VRK2: variants seen among roughly 807,000 people sequenced by gnomAD.
VRK2 encodes VRK serine/threonine kinase 2.
A neutral mutation model predicts 57.6 loss-of-function variants in VRK2; 60 were observed. The ratio of observed to expected loss-of-function variants is 1.04; its 90% CI spans 0.85 to 1.29. The LOEUF (loss-of-function observed/expected upper bound fraction) is 1.29, where lower values mean the gene tolerates loss of function less well. Ranked by LOEUF, VRK2 falls within the 50% of genes most tolerant of loss-of-function variation. The pLI is 0.00. For synonymous variants in VRK2, 231 were observed against 199.2 expected (o/e 1.16, Z -1.35); for missense variants, 705 against 588.1 (o/e 1.20, Z -2.06).
intron 1 of VRK2, among the ~76,000 whole-genome samples, chr2:57,947,815 C>G (rs1448496464): frequency 6.6e-6 from 1 of 152,164 alleles, no homozygotes; most frequent in Non-Finnish European, 1.5e-5. Context: ...CTATATTATT[C>G]AAATGAGATG....
intron 3 of VRK2, among the ~76,000 whole-genome samples, chr2:58,038,474 A>G (rs117361182): frequency 6.6e-6 from 1 of 152,278 alleles, no homozygotes; most frequent in East Asian, 1.9e-4. Context: ...ACAGTGGTGT[A>G]TAAATTTTCC....
At chr2:58,145,214 G>C (rs115452371) in intron 11 of VRK2, among the ~76,000 whole-genome samples, 1 of 151,970 alleles carries the variant, frequency 6.6e-6, no homozygotes, top group African/African-American at 2.4e-5. Flanking sequence ...CAAGGTTATT[G>C]ACAGTCAGGC....
intron 7 of VRK2, among the ~76,000 whole-genome samples, chr2:58,105,495 A>G (rs930227920): frequency 2.6e-5 from 4 of 151,922 alleles, no homozygotes; most frequent in African/African-American, 7.2e-5. Context: ...ACCAACTGAG[A>G]TATCATCTTA....
intron 1 of VRK2, among the ~76,000 whole-genome samples, chr2:57,909,994 CAT>C (rs1372796206): frequency 1.3e-5 from 2 of 151,884 alleles, no homozygotes; most frequent in Admixed American, 6.6e-5. Context: ...GTTTCATCCA[CAT>C]AGTCAATTTA....
At chr2:57,913,136 G>A (rs988754470) in intron 1 of VRK2, among the ~76,000 whole-genome samples, 2 of 152,176 alleles carry the variant, frequency 1.3e-5, no homozygotes, top group Non-Finnish European at 2.9e-5. Flanking sequence ...AGCCTGAACA[G>A]ACTGAAACAT....
At chr2:57,911,386 T>C (rs539200704) in intron 1 of VRK2, among the ~76,000 whole-genome samples, 7 of 152,272 alleles carry the variant, frequency 4.6e-5, no homozygotes, top group Admixed American at 1.3e-4. Flanking sequence ...ACAGTTAACA[T>C]TGGCATATTG....
At chr2:58,072,939 C>T (rs1048929292) in intron 2 of VRK2, among the ~76,000 whole-genome samples, 2 of 151,968 alleles carry the variant, frequency 1.3e-5, no homozygotes, top group African/African-American at 4.8e-5. Flanking sequence ...GATCTTTCTC[C>T]TAATCAGATA....
intron 7 of VRK2, among the ~76,000 whole-genome samples, chr2:58,093,478 G>A (rs1297603977): frequency 1.3e-5 from 2 of 152,004 alleles, no homozygotes; most frequent in African/African-American, 4.8e-5. Context: ...AGAAGTGTCT[G>A]TTCATATCCT....
chr2:58,094,677 TAC>T (rs1393207866), intron 7 of VRK2, among the ~76,000 whole-genome samples: 2 of 152,164 alleles, frequency 1.3e-5, no homozygotes, highest in Admixed American at 6.5e-5. Context: ...TCTTATTCAT[TAC>T]AGTTTATTAT....
intron 12 of VRK2, chr2:58,154,844 G>A: frequency 1.5e-6 from 1 of 688,312 alleles, no homozygotes; most frequent in Non-Finnish European, 2.7e-6. Context: ...AACCCTGTTT[G>A]TACTGCATCC....
At chr2:58,015,461 G>C (rs1213791789) in intron 1 of VRK2, among the ~76,000 whole-genome samples, 1 of 152,072 alleles carries the variant, frequency 6.6e-6, no homozygotes, top group Non-Finnish European at 1.5e-5. Flanking sequence ...AATCGGTTGA[G>C]AATTCAATAC....
Position 58,084,108 on chromosome 2 carries a change from A to G in VRK2, c.156A>G (p.Pro52=). 2 of 1,607,246 alleles carry G rather than the reference A, an allele frequency of 1.2e-6. No homozygotes were observed. The highest frequency in any genetic ancestry group is 1.3e-5 in the African/African-American group (1 of 74,868). Reference sequence around the variant, plus strand: ...CTGCAGCTTTCCCCACAAATAAACCAGAGAAAGATGCAAGACATGTAGTAA... The same window carrying G: ...CTGCAGCTTTCCCCACAAATAAACCGGAGAAAGATGCAAGACATGTAGTAA... ...LIYLAFPTNK[P]EKDARHVVKV... The change falls in exon 3 of 13, where the codon CCA becomes CCG. Residue 52 remains proline, a synonymous_variant. Coordinates refer to ENST00000340157, the MANE Select transcript of VRK2 (RefSeq NM_006296.7).
chr2:57,951,754 G>A (rs1671432871), intron 1 of VRK2, among the ~76,000 whole-genome samples: 2 of 151,954 alleles, frequency 1.3e-5, no homozygotes, highest in South Asian at 4.2e-4. Flanking sequence ...AAGCAATAAA[G>A]CATTTTTTTC....
At chr2:58,070,856 A>C in intron 2 of VRK2, among the ~76,000 whole-genome samples, 1 of 152,152 alleles carries the variant, frequency 6.6e-6, no homozygotes. Flanking sequence ...TTGTATACTA[A>C]GACTGTGTTT....
intron 1 of VRK2, among the ~76,000 whole-genome samples, chr2:57,966,463 C>T (rs946584752): frequency 3.3e-5 from 5 of 152,170 alleles, no homozygotes; most frequent in African/African-American, 1.2e-4. Flanking sequence ...CCCCTAAGGA[C>T]TGCCTTCCAG....
rs1284767640 is a variant in VRK2 at position 58,123,206 on chromosome 2, A to G, written c.649A>G (p.Thr217Ala). The part of the protein sequence containing the change: ...RKGHNGTIEF[T>A]SLDAHKGVAL... The stretch of plus-strand genomic sequence containing the variant: ...AGGCCATAATGGGACAATAGAGTTT[A>G]CCAGCTTGGATGCCCACAAGGGAGT... The change falls in exon 8 of 13, where the codon ACC (threonine) becomes GCC (alanine). Residue 217 changes from threonine (T) to alanine (A), a missense_variant. Physicochemically the swap from Thr to Ala is moderately conservative, Grantham distance 58. Coordinates refer to ENST00000340157, the MANE Select transcript of VRK2 (RefSeq NM_006296.7). The G allele has an allele frequency of 6.3e-7, 1 of 1,586,940 alleles. No homozygotes were observed. The highest frequency in any genetic ancestry group is 8.5e-7 in the Non-Finnish European group (1 of 1,173,196).
chr2:57,958,253 A>G (rs971738481), intron 1 of VRK2, among the ~76,000 whole-genome samples: 1 of 152,184 alleles, frequency 6.6e-6, no homozygotes, highest in African/African-American at 2.4e-5. Context: ...TACTTAGATT[A>G]CTTAAAATAT....
chr2:58,027,364 T>G (rs1398804668), intron 2 of VRK2, among the ~76,000 whole-genome samples: 1 of 152,088 alleles, frequency 6.6e-6, no homozygotes, highest in African/African-American at 2.4e-5. Flanking sequence ...CAGGGGTGGA[T>G]AGTGGTAAGA....
At chr2:58,067,074 C>G (rs1282068948) in intron 2 of VRK2, among the ~76,000 whole-genome samples, 1 of 152,182 alleles carries the variant, frequency 6.6e-6, no homozygotes, top group Admixed American at 6.5e-5. Context: ...CAACCCTCAT[C>G]TTTCTCTCCT....
Sources: allele counts gnomAD v4.1 joint callset (sites outside exome capture counted in the v4.1 genomes callset), GRCh38; gene constraint gnomAD v4.1.1; transcripts MANE v1.5; gene names NCBI Gene and HGNC (gene_info 2026-07-23, HGNC 2026-07-21).